Variants in ZNF532 observed in about 807,000 individuals in gnomAD.
ZNF532 encodes the protein zinc finger protein 532.
In ZNF532, 22 loss-of-function variants were observed where a neutral mutation model predicts 89.3. The observed-to-expected ratio is 0.25, with a 90% confidence interval of 0.18 to 0.35. ZNF532 has a LOEUF of 0.35. ZNF532 is among the 10% of genes least tolerant of loss of function. ZNF532 has a pLI of 1.00. For synonymous variants in ZNF532, 606 were observed against 649.6 expected (o/e 0.93, Z 1.02); for missense variants, 1,132 against 1,643.4 (o/e 0.69, Z 5.38).
chr18:58,948,976 ATTAT>A (rs1273347943), intron 6 of ZNF532, among the ~76,000 whole-genome samples: 1 of 152,186 alleles, frequency 6.6e-6, no homozygotes, highest in Non-Finnish European at 1.5e-5. Context: ...TTCCCTTGAA[ATTAT>A]TTAAGCAGTT....
At chr18:58,888,445 G>A (rs2058455617) in intron 2 of ZNF532, among the ~76,000 whole-genome samples, 1 of 151,612 alleles carries the variant, frequency 6.6e-6, no homozygotes, top group Non-Finnish European at 1.5e-5. Flanking sequence ...GGAGGCCAAG[G>A]TGGGTGGATC....
At chr18:58,947,975 C>T (rs576179723) in intron 5 of ZNF532, 92 bp from the exon 6 acceptor site, 4 of 1,253,330 alleles carry the variant, frequency 3.2e-6, no homozygotes, top group South Asian at 1.5e-5. Flanking sequence ...CTCAATGTGC[C>T]TCTGCCTCCC....
chr18:58,911,672 G>A (rs1568297817), intron 2 of ZNF532, among the ~76,000 whole-genome samples: 1 of 152,230 alleles, frequency 6.6e-6, no homozygotes, highest in East Asian at 1.9e-4. Context: ...GGACAGCAGA[G>A]CCAGGTCCTG....
intron 7 of ZNF532, among the ~76,000 whole-genome samples, chr18:58,960,612 TAC>T (rs918112841): frequency 6.6e-6 from 1 of 152,244 alleles, no homozygotes; most frequent in Non-Finnish European, 1.5e-5. Context: ...TCCTTTTCTT[TAC>T]AGAGGGACCA....
At chr18:58,893,688 T>G (rs2059062291) in intron 2 of ZNF532, among the ~76,000 whole-genome samples, 1 of 151,466 alleles carries the variant, frequency 6.6e-6, no homozygotes, top group Non-Finnish European at 1.5e-5. Flanking sequence ...AATGAGATAA[T>G]TGGGAAGCTA....
intron 8 of ZNF532, chr18:58,980,473 C>T (rs2067625294): frequency 6.6e-6 from 1 of 152,214 alleles, no homozygotes; most frequent in South Asian, 2.1e-4. Flanking sequence ...TGCCACTGCC[C>T]TGCAAGTGTC....
At chr18:58,924,185 C>A (rs2061350599) in intron 3 of ZNF532, among the ~76,000 whole-genome samples, 1 of 152,222 alleles carries the variant, frequency 6.6e-6, no homozygotes, top group African/African-American at 2.4e-5. Flanking sequence ...AACACTTTAA[C>A]TCCATTTCCC....
In ZNF532 at chr18:58,919,391, A is replaced by G. The variant is rs1259279239; in HGVS notation, c.1104A>G (p.Thr368=). The part of the protein sequence containing the change: ...IPKVRIKTIK[T]SSGEIKRTVT... ...AAGTCCGCATAAAAACCATTAAGAC[A>G]TCTTCTGGGGAAATCAAGAGAACAG... Residue 368 remains threonine, a synonymous_variant, in exon 3 of 10, where the codon ACA becomes ACG. Transcript: ENST00000591808. This position sits in a 1 kb window ranked among gnomAD's most constrained non-coding sequence, Gnocchi z 6.1. 1.2e-6 allele frequency: 2 copies of G among 1,614,112 alleles called. No homozygotes were observed. The highest frequency in any genetic ancestry group is 1.7e-6 in the Non-Finnish European group (2 of 1,180,054).
At chr18:58,980,606 G>C (rs1335857000) in intron 8 of ZNF532, 1 of 152,094 alleles carries the variant, frequency 6.6e-6, no homozygotes, top group African/African-American at 2.4e-5. Flanking sequence ...CTTGATACCT[G>C]GTTTTATAGC....
At chr18:58,954,950 G>A (rs1478997167) in intron 7 of ZNF532, among the ~76,000 whole-genome samples, 5 of 152,114 alleles carry the variant, frequency 3.3e-5, no homozygotes, top group Non-Finnish European at 1.5e-5. Flanking sequence ...CCTGGCCTCA[G>A]GCAGTCCACC....
rs2068338597 is a variant in ZNF532, at chr18:58,985,791, A to T, written c.*1325A>T. 1 of 148,106 alleles carries T rather than the reference A, an allele frequency of 6.8e-6. No individual in the cohort carries two copies. The highest frequency in any genetic ancestry group is 2.5e-5 in the African/African-American group (1 of 39,898). 9.2% of individuals were successfully genotyped at this position (148,106 alleles called of 1,614,324 possible). A position where few individuals can be genotyped will look rare whatever the true frequency, so the allele number is the denominator to read the frequency against. ...CCTTTTTTTTTTTTTTTTTTAAGAA[A>T]AGGAATTCTTTTGTGTATATATAGA... On this transcript the variant is annotated 3_prime_UTR_variant, in exon 10 of 10. Coordinates refer to ENST00000591808, the MANE Select transcript of ZNF532 (RefSeq NM_001375912.1).
intron 3 of ZNF532, among the ~76,000 whole-genome samples, chr18:58,925,132 CTATT>C (rs2061426751): frequency 3.3e-5 from 5 of 151,996 alleles, no homozygotes; most frequent in Non-Finnish European, 7.4e-5. Flanking sequence ...GGATAAATGC[CTATT>C]TATCATCAGA....
At chr18:58,923,122 C>G (rs2061251946) in intron 3 of ZNF532, among the ~76,000 whole-genome samples, 1 of 152,094 alleles carries the variant, frequency 6.6e-6, no homozygotes, top group South Asian at 2.1e-4. Flanking sequence ...AGACCAGATA[C>G]ACACAAGCAA....
At chr18:58,939,750 C>A (rs907039835) in intron 5 of ZNF532, 129 bp downstream of exon 5, 1 of 833,534 alleles carries the variant, frequency 1.2e-6, no homozygotes, top group Non-Finnish European at 1.8e-6. Flanking sequence ...AATTTTGATG[C>A]TTTATGAAAT....
intron 2 of ZNF532, among the ~76,000 whole-genome samples, chr18:58,886,168 A>G (rs1057484314): frequency 6.6e-6 from 1 of 151,714 alleles, no homozygotes; most frequent in Non-Finnish European, 1.5e-5. Flanking sequence ...TTTAGTAGAG[A>G]CAGGGTTTCA....
intron 2 of ZNF532, among the ~76,000 whole-genome samples, chr18:58,868,369 T>C (rs73437972): frequency 0.11 from 16,070 of 152,290 alleles, 1,835 homozygotes; most frequent in African/African-American, 0.28. Flanking sequence ...TACTCTGTGG[T>C]GTACCGTTCT....
chr18:58,930,768 T>G (rs2061895705), intron 3 of ZNF532, among the ~76,000 whole-genome samples: 1 of 152,146 alleles, frequency 6.6e-6, no homozygotes, highest in African/African-American at 2.4e-5. Flanking sequence ...AACCTAAGCA[T>G]ATAACCTGCC....
intron 7 of ZNF532, chr18:58,964,153 C>T (rs1011636109): frequency 6.6e-5 from 10 of 152,136 alleles, no homozygotes; most frequent in African/African-American, 2.4e-4. Flanking sequence ...CTTATTTAAT[C>T]TAAATGTAGG....
intron 2 of ZNF532, among the ~76,000 whole-genome samples, chr18:58,891,573 T>A (rs974958728): frequency 6.6e-6 from 1 of 152,146 alleles, no homozygotes; most frequent in African/African-American, 2.4e-5. Context: ...TACGAACATT[T>A]AAAAAAATCA....
Sources: gnomAD v4.1 joint callset for allele counts (sites outside exome capture counted in the v4.1 genomes callset) on GRCh38, gnomAD v4.1.1 for gene constraint, Gnocchi (gnomAD v3.1) non-coding constraint, MANE v1.5 for transcripts, NCBI Gene and HGNC (gene_info 2026-07-23, HGNC 2026-07-21) for gene names.